Variants in TMEM181 observed in about 807,000 individuals in gnomAD.
TMEM181 encodes the protein G protein-coupled receptor 178.
Under a neutral mutation model 71.9 loss-of-function variants are expected in TMEM181, and 39 were observed. The observed-to-expected ratio is 0.54, with a 90% CI of 0.42 to 0.71. TMEM181 has a LOEUF of 0.71. TMEM181 is among the 30% of genes least tolerant of loss of function. The probability of loss-of-function intolerance (pLI) is 0.00; values close to 1 mark genes in which losing one functional copy is unlikely to be tolerated. For missense variants in TMEM181, 595 were observed against 583.0 expected (o/e 1.02, Z -0.21); for synonymous variants, 245 against 228.8 (o/e 1.07, Z -0.64).
Position 158,623,593 on chromosome 6 carries a change from AC to A in TMEM181, c.942del (p.Gly315GlufsTer6). 1 of 1,583,402 alleles carries A rather than the reference AC, an allele frequency of 6.3e-7. No homozygotes were observed. The highest frequency in any genetic ancestry group is 1.2e-5 in the South Asian group (1 of 84,358). ...TCCAATGTACCAGTATCGAGTTGAT[AC>A]CGGAAATTTTCAGGTAAGGATTGTT... is the stretch of plus-strand genomic sequence containing the variant. ...HDPMYQYRVD[T>X]GNFQGMKVFF... On this transcript the variant is annotated frameshift_variant, in exon 11 of 17. Coordinates refer to ENST00000684151, the MANE Select transcript of TMEM181 (RefSeq NM_001376852.1). LOFTEE classifies it high-confidence loss of function.
In TMEM181 at chr6:158,573,454, C is replaced by T. The variant is rs549637245; in HGVS notation, c.43C>T (p.Arg15Cys). The change falls in exon 2 of 17, where the codon CGC (arginine) becomes TGC (cysteine). Residue 15 changes from arginine (R) to cysteine (C), a missense_variant. Transcript: ENST00000684151. ...APMRLYTLSK[R>C]HFVLVFVVFF... ...CATGCGGCTCTACACGCTCTCCAAG[C>T]GCCACTTTGTCCTCGTGTTTGTCGT... The T allele has an allele frequency of 2.1e-5, 33 of 1,600,694 alleles. 1 individual carries two copies. The South Asian group carries it at 2.8e-4, about 14-fold the overall frequency.
chr6:158,536,880 G>A, intron 1 of TMEM181: 1 of 1,337,684 alleles, frequency 7.5e-7, no homozygotes, highest in Non-Finnish European at 9.6e-7. Flanking sequence ...GCGCGGCGCG[G>A]GCAGCGGCGG....
intron 1 of TMEM181, among the ~76,000 whole-genome samples, chr6:158,544,851 T>G (rs1241947366): frequency 6.6e-6 from 1 of 152,174 alleles, no homozygotes; most frequent in Non-Finnish European, 1.5e-5. Context: ...GAAATGAAAT[T>G]CCTTGAGAAC....
chr6:158,595,202 A>T (rs1466952692), intron 6 of TMEM181, among the ~76,000 whole-genome samples: 1 of 152,162 alleles, frequency 6.6e-6, no homozygotes, highest in Non-Finnish European at 1.5e-5. Flanking sequence ...TTCTTTCTTC[A>T]CTATTTTGCC....
intron 6 of TMEM181, among the ~76,000 whole-genome samples, chr6:158,598,990 C>T (rs558837816): frequency 1.3e-5 from 2 of 152,254 alleles, no homozygotes; most frequent in South Asian, 4.1e-4. Flanking sequence ...CATGGGGACC[C>T]AGGCTGTGAA....
rs975306650 is a variant in TMEM181 at position 158,560,121 on chromosome 6, G to A, written c.-104G>A. The A allele has an allele frequency of 1.0e-6, 1 of 984,940 alleles. No individual in the cohort carries two copies. The highest frequency in any genetic ancestry group is 1.2e-6 in the Non-Finnish European group (1 of 829,778). 61.0% of individuals were successfully genotyped at this position (984,940 alleles called of 1,614,324 possible). A position where few individuals can be genotyped will look rare whatever the true frequency, so the allele number is the denominator to read the frequency against. On this transcript the variant is annotated 5_prime_UTR_variant, in exon 1 of 17. Coordinates refer to ENST00000684151, the MANE Select transcript of TMEM181 (RefSeq NM_001376852.1). ...TTCCGCGGCCGGCCGCTGCTCAGCC[G>A]CTGTCGCTCCGGCTCCGGCTGCGGC...
chr6:158,620,633 C>T lies in TMEM181; in HGVS notation c.897-2917C>T, dbSNP rs750849728. Among the ~76,000 whole-genome samples, 13 of 152,132 alleles carry T rather than the reference C, an allele frequency of 8.5e-5. No individual in the cohort carries two copies. The highest frequency in any genetic ancestry group is 2.1e-4 in the South Asian group (1 of 4,826). On this transcript the variant is annotated intron_variant, in intron 10 of 16. Transcript: ENST00000684151. The surrounding 1 kb of genome is among the most constrained non-coding windows in gnomAD (Gnocchi z 4.5). ...AGCCCACTGGGGAGTAGCCCCCGCCCGAGCCTCGCAGTCCCCTTCAGATTA... is the reference window on the plus strand; with the variant it reads ...AGCCCACTGGGGAGTAGCCCCCGCCTGAGCCTCGCAGTCCCCTTCAGATTA...
At chr6:158,593,591 G>A (rs926277312) in intron 6 of TMEM181, among the ~76,000 whole-genome samples, 38 of 152,134 alleles carry the variant, frequency 2.5e-4, no homozygotes, top group Non-Finnish European at 4.7e-4. Flanking sequence ...TCGGAGAATC[G>A]CATAATCAAC....
chr6:158,617,267 G>A (rs546102267), intron 10 of TMEM181, among the ~76,000 whole-genome samples: 1 of 152,096 alleles, frequency 6.6e-6, no homozygotes, highest in Non-Finnish European at 1.5e-5. Context: ...TAGTTTATTT[G>A]AGTAGAGGTG....
rs111300591 is a variant in TMEM181 at position 158,582,095 on chromosome 6, C to G, written c.168+1100C>G. Among the ~76,000 whole-genome samples, 1,154 of 152,298 alleles carry G rather than the reference C, an allele frequency of 7.6e-3. 5 individuals are homozygous for G. Among genetic ancestry groups the G allele is most frequent in the Non-Finnish European group, 0.01 (708 of 68,018 alleles). Reference sequence around the variant, plus strand: ...CTAAAACTTACACCATTTGATTTTTCTCTTTGCTACTGCTAGTTTGAAAGG... The same window carrying G: ...CTAAAACTTACACCATTTGATTTTTGTCTTTGCTACTGCTAGTTTGAAAGG... On this transcript the variant is annotated intron_variant, in intron 3 of 16. Transcript: ENST00000684151.
chr6:158,592,285 T>G (rs1225159408), intron 6 of TMEM181, among the ~76,000 whole-genome samples: 1 of 152,190 alleles, frequency 6.6e-6, no homozygotes, highest in East Asian at 1.9e-4. Flanking sequence ...TGAAATTATG[T>G]TCATCCTTGC....
chr6:158,566,197 T>C (rs1782483372), intron 1 of TMEM181, among the ~76,000 whole-genome samples: 1 of 151,942 alleles, frequency 6.6e-6, no homozygotes, highest in South Asian at 2.1e-4. Flanking sequence ...GCAGGTCATG[T>C]GTGAGGTACC....
chr6:158,544,883 T>A (rs561183814), intron 1 of TMEM181, among the ~76,000 whole-genome samples: 1 of 152,244 alleles, frequency 6.6e-6, no homozygotes, highest in South Asian at 2.1e-4. Flanking sequence ...TTCCATAACT[T>A]AAAAAAATTA....
rs965729569 is a variant in TMEM181, at chr6:158,600,959, T to C, written c.493-4308T>C. ...TTCAGACGTATTTTGTGTTTTTTTCTGATGGTAGCAATTCTTTTTTCTCTT... is the reference window on the plus strand; with the variant it reads ...TTCAGACGTATTTTGTGTTTTTTTCCGATGGTAGCAATTCTTTTTTCTCTT... On this transcript the variant is annotated intron_variant, in intron 6 of 16. Coordinates refer to ENST00000684151, the MANE Select transcript of TMEM181 (RefSeq NM_001376852.1). Among the ~76,000 whole-genome samples the C allele has an allele frequency of 2.6e-5, 4 of 152,192 alleles. No homozygotes were observed. The East Asian group carries it at 7.7e-4, about 29-fold the overall frequency.
In TMEM181 at chr6:158,605,328, T is replaced by C. The variant is rs773921367; in HGVS notation, c.554T>C (p.Val185Ala). Residue 185 changes from valine (V) to alanine (A), a missense_variant, in exon 7 of 17, where the codon GTG becomes GCG. Physicochemically the swap from Val to Ala is moderately conservative, Grantham distance 64. Transcript: ENST00000684151. Reference protein sequence around the residue: ...LEIWFRFFFVVLTFIVTCLFA... With the variant: ...LEIWFRFFFVALTFIVTCLFA... ...ATCTGGTTCCGGTTTTTCTTTGTGG[T>C]GCTCACCTTCATCGTCACTGTGAGT... is the stretch of plus-strand genomic sequence containing the variant. 1.1e-5 allele frequency: 17 copies of C among 1,613,986 alleles called. No individual in the cohort carries two copies. The highest frequency in any genetic ancestry group is 6.6e-5 in the South Asian group (6 of 91,090).
At chr6:158,611,474 C>T (rs1027551304) in intron 10 of TMEM181, 13 of 532,280 alleles carry the variant, frequency 2.4e-5, no homozygotes, top group Non-Finnish European at 4.6e-5. Context: ...GTTCCTCAGT[C>T]GTATCATTCT....
intron 10 of TMEM181, among the ~76,000 whole-genome samples, chr6:158,614,099 G>T (rs1377697553): frequency 6.6e-6 from 1 of 152,080 alleles, no homozygotes; most frequent in Non-Finnish European, 1.5e-5. Flanking sequence ...AAACCTATTG[G>T]ACATTATCTT....
At chr6:158,625,242 T>G (rs747763774) in intron 12 of TMEM181, 36 bp downstream of exon 12, 5 of 1,582,916 alleles carry the variant, frequency 3.2e-6, no homozygotes, top group Non-Finnish European at 4.3e-6. Context: ...CAGGGGTGGC[T>G]TGGGAGTGAC....
At chr6:158,624,992 C>A (rs998239672) in intron 11 of TMEM181, 112 bp from the exon 12 acceptor site, 1 of 819,358 alleles carries the variant, frequency 1.2e-6, no homozygotes, top group Non-Finnish European at 2.1e-6. Context: ...GAGGGACCTT[C>A]AGGGTTGAAG....
Sources: gnomAD v4.1 joint callset for allele counts (sites outside exome capture counted in the v4.1 genomes callset) on GRCh38, gnomAD v4.1.1 for gene constraint, Gnocchi (gnomAD v3.1) non-coding constraint, MANE v1.5 for transcripts, NCBI Gene and HGNC (gene_info 2026-07-23, HGNC 2026-07-21) for gene names.